The following INTS3 variants were observed in gnomAD, a reference collection of about 807,000 sequenced individuals.
INTS3 encodes the protein SOSS complex subunit A.
In INTS3, 34 loss-of-function variants were observed where a neutral mutation model predicts 146.3. The observed-to-expected ratio is 0.23, with a 90% CI of 0.18 to 0.31. The LOEUF (loss-of-function observed/expected upper bound fraction) is 0.31, where lower values mean the gene tolerates loss of function less well. Ranked by LOEUF, INTS3 falls within the 10% of genes least tolerant of loss-of-function variation. The probability of loss-of-function intolerance (pLI) is 1.00; values close to 1 mark genes in which losing one functional copy is unlikely to be tolerated. For missense variants in INTS3, 757 were observed against 1,304.2 expected (o/e 0.58, Z 6.46); for synonymous variants, 475 against 494.9 (o/e 0.96, Z 0.53).
At chr1:153,733,040 G>A (rs1177283593) in intron 1 of INTS3, among the ~76,000 whole-genome samples, 3 of 149,554 alleles carry the variant, frequency 2.0e-5, no homozygotes, top group South Asian at 2.1e-4. Context: ...TCCTGACCTC[G>A]TACACCATGT....
At chr1:153,770,492 A>C (rs1309265060) in intron 24 of INTS3, among the ~76,000 whole-genome samples, 181 bp downstream of exon 24, 1 of 152,182 alleles carries the variant, frequency 6.6e-6, no homozygotes, top group African/African-American at 2.4e-5. Context: ...CTGTGGGCCC[A>C]CCATGAGCCA....
chr1:153,763,104 C>T lies in INTS3; in HGVS notation c.1637-129C>T. 1.2e-5 allele frequency: 15 copies of T among 1,220,972 alleles called. No individual in the cohort carries two copies. The South Asian group carries it at 2.0e-4, about 16-fold the overall frequency. The allele number at this position is 1,220,972 out of a possible 1,614,324, so 75.6% of individuals were successfully genotyped here. A position where few individuals can be genotyped will look rare whatever the true frequency, so the allele number is the denominator to read the frequency against. On this transcript the variant is annotated intron_variant, in intron 15 of 29. Transcript: ENST00000318967. ...TGCACAGTCAGGGAGATGCTTCAGG[C>T]ACTCACACAGCATTGAGGAAACAGG...
chr1:153,751,401 G>A (rs192143827), intron 7 of INTS3, among the ~76,000 whole-genome samples, 162 bp downstream of exon 7: 19 of 152,290 alleles, frequency 1.2e-4, no homozygotes, highest in African/African-American at 4.3e-4. Flanking sequence ...AAAGGAGGGG[G>A]AGTTAGTGTA....
At chr1:153,754,514 C>A in intron 8 of INTS3, 128 bp from the exon 9 acceptor site, 1 of 746,824 alleles carries the variant, frequency 1.3e-6, no homozygotes, top group Admixed American at 1.8e-5. Context: ...CTCCCTTGGT[C>A]TTGTCTTGGA....
intron 4 of INTS3, 64 bp downstream of exon 4, chr1:153,747,134 G>C: frequency 7.3e-7 from 1 of 1,373,440 alleles, no homozygotes; most frequent in Admixed American, 1.7e-5. Context: ...CTCTCTGTCA[G>C]GAACGGGAAA....
In INTS3 at chr1:153,770,072, T is replaced by G. The variant is rs1258273376; in HGVS notation, c.2390-126T>G. Reference sequence around the variant, plus strand: ...CAGTGGATTGGGGTGTGTGTGTGTGTGTGTGTGTGTGTGTGTGTGTGTGTG... The same window carrying G: ...CAGTGGATTGGGGTGTGTGTGTGTGGGTGTGTGTGTGTGTGTGTGTGTGTG... On this transcript the variant is annotated intron_variant, in intron 23 of 29. Transcript: ENST00000318967. 1.4e-5 allele frequency: 6 copies of G among 420,626 alleles called. No homozygotes were observed. The highest frequency in any genetic ancestry group is 1.3e-4 in the African/African-American group (2 of 15,488). 26.1% of individuals were successfully genotyped at this position (420,626 alleles called of 1,614,324 possible).
intron 1 of INTS3, among the ~76,000 whole-genome samples, chr1:153,735,312 G>C (rs749295443): frequency 6.6e-6 from 1 of 152,126 alleles, no homozygotes; most frequent in Non-Finnish European, 1.5e-5. Flanking sequence ...CTGTATGCTA[G>C]GTGCTTTCAC....
intron 13 of INTS3, 164 bp from the exon 14 acceptor site, chr1:153,761,406 A>C (rs1672377985): frequency 1.7e-6 from 1 of 591,824 alleles, no homozygotes; most frequent in Non-Finnish European, 3.0e-6. Context: ...GCTACTTGAG[A>C]GGCTGAGGCA....
At chr1:153,735,731 G>T (rs1215281403) in intron 1 of INTS3, among the ~76,000 whole-genome samples, 1 of 152,016 alleles carries the variant, frequency 6.6e-6, no homozygotes, top group Non-Finnish European at 1.5e-5. Context: ...GGTAGAGAGG[G>T]ATGATTTTTG....
At chr1:153,759,967 G>A (rs1423924028) in intron 11 of INTS3, 5 of 487,290 alleles carry the variant, frequency 1.0e-5, no homozygotes, top group Non-Finnish European at 1.5e-5. Context: ...AAGCTGTTTC[G>A]GGGCCTGTCT....
chr1:153,741,446 G>A, intron 3 of INTS3, 78 bp downstream of exon 3: 1 of 1,071,664 alleles, frequency 9.3e-7, no homozygotes. Flanking sequence ...GTTTAACTGG[G>A]GTAGTATGAA....
rs188577103 is a variant in INTS3, at chr1:153,758,257, T to C, written c.1149+494T>C. Among the ~76,000 whole-genome samples, 450 of 152,328 alleles carry C rather than the reference T, an allele frequency of 3.0e-3. 3 individuals carry two copies. Among genetic ancestry groups the C allele is most frequent in the African/African-American group, 0.01 (435 of 41,576 alleles). Reference sequence around the variant, plus strand: ...AACTATCCATTCTCTGGCATCTGGCTGCCCCCTGACCTCTTCCAACAGGGT... The same window carrying C: ...AACTATCCATTCTCTGGCATCTGGCCGCCCCCTGACCTCTTCCAACAGGGT... On this transcript the variant is annotated intron_variant, in intron 10 of 29. Coordinates refer to ENST00000318967, the MANE Select transcript of INTS3 (RefSeq NM_023015.5).
At chr1:153,731,497 G>A (rs1348932408) in intron 1 of INTS3, among the ~76,000 whole-genome samples, 1 of 151,846 alleles carries the variant, frequency 6.6e-6, no homozygotes, top group African/African-American at 2.4e-5. Flanking sequence ...CATGAGCCTT[G>A]GTAGCTCCTG....
intron 1 of INTS3, among the ~76,000 whole-genome samples, chr1:153,733,978 A>T (rs1199011665): frequency 3.3e-5 from 5 of 152,174 alleles, no homozygotes; most frequent in Non-Finnish European, 7.3e-5. Flanking sequence ...GGGTTCCTCC[A>T]GCTTGAGTCT....
At chr1:153,765,290 A>T (rs896017604) in intron 20 of INTS3, among the ~76,000 whole-genome samples, 1 of 152,156 alleles carries the variant, frequency 6.6e-6, no homozygotes, top group East Asian at 1.9e-4. Flanking sequence ...GGCTCAAGCC[A>T]TCCTCCCCCC....
At chr1:153,730,256 C>T (rs1671013510) in intron 1 of INTS3, among the ~76,000 whole-genome samples, 1 of 152,160 alleles carries the variant, frequency 6.6e-6, no homozygotes, top group Non-Finnish European at 1.5e-5. Flanking sequence ...AGTTTGTTTT[C>T]TGCTGTCTGT....
chr1:153,772,877 T>C lies in INTS3; in HGVS notation c.2895-48T>C, dbSNP rs769936164. On this transcript the variant is annotated intron_variant, in intron 28 of 29. Transcript: ENST00000318967. The surrounding 1 kb of genome is among the most constrained non-coding windows in gnomAD (Gnocchi z 4.6). ...GCAGAGAAGAGGATGGGAGGTGCCGTAGGAGCAGCAGGCTCCCACTCAAAG... is the reference window on the plus strand; with the variant it reads ...GCAGAGAAGAGGATGGGAGGTGCCGCAGGAGCAGCAGGCTCCCACTCAAAG... 4 of 1,610,080 alleles carry C rather than the reference T, an allele frequency of 2.5e-6. No homozygotes were observed. In the Admixed American group the frequency reaches 6.7e-5, roughly 27 times the overall value.
chr1:153,739,688 C>T (rs1196016032), intron 1 of INTS3, among the ~76,000 whole-genome samples: 4 of 151,844 alleles, frequency 2.6e-5, no homozygotes, highest in East Asian at 2.0e-4. Context: ...AGGCTGGTCT[C>T]GAACTCCTGA....
chr1:153,764,812 G>T, intron 19 of INTS3, 78 bp downstream of exon 19: 6 of 1,518,022 alleles, frequency 4.0e-6, no homozygotes, highest in Non-Finnish European at 5.5e-6. Context: ...CTGTCCTGGG[G>T]TAATGGGACT....
Sources: allele counts gnomAD v4.1 joint callset (sites outside exome capture counted in the v4.1 genomes callset), GRCh38; gene constraint gnomAD v4.1.1; non-coding constraint Gnocchi (gnomAD v3.1); transcripts MANE v1.5; gene names NCBI Gene and HGNC (gene_info 2026-07-23, HGNC 2026-07-21).